The following FANCM variants were observed in gnomAD, a reference collection of about 807,000 sequenced individuals.
FANCM encodes the protein FA complementation group M, also known as Fanconi anemia group M protein.
In FANCM, 140 loss-of-function variants were observed where a neutral mutation model predicts 199.5. That is an observed-to-expected ratio of 0.70 (90% CI 0.61 to 0.81). FANCM has a LOEUF of 0.81. FANCM is among the 30% of genes least tolerant of loss of function. The pLI, the probability that FANCM is intolerant of heterozygous loss-of-function variation, is 0.00. For synonymous variants in FANCM, 840 were observed against 836.8 expected (o/e 1.00, Z -0.07); for missense variants, 2,410 against 2,421.4 (o/e 1.00, Z 0.10).
intron 7 of FANCM, 92 bp downstream of exon 7, chr14:45,154,914 ATTAT>A: frequency 1.1e-6 from 1 of 916,766 alleles, no homozygotes; most frequent in East Asian, 2.5e-5. Context: ...AATGTCTACA[ATTAT>A]TTATATTTTG....
intron 11 of FANCM, among the ~76,000 whole-genome samples, chr14:45,169,963 C>G (rs1422984331): frequency 2.0e-5 from 3 of 152,096 alleles, no homozygotes. Context: ...CTTGGCCTTT[C>G]CTGCCCACTC....
intron 20 of FANCM, among the ~76,000 whole-genome samples, chr14:45,192,609 C>G (rs138594915): frequency 0.01 from 1,543 of 152,216 alleles, 33 homozygotes; most frequent in African/African-American, 0.035. Context: ...CGCCACTGCA[C>G]TCCAGCCTGT....
chr14:45,182,935 T>A (rs1179030877), intron 16 of FANCM, among the ~76,000 whole-genome samples: 1 of 152,170 alleles, frequency 6.6e-6, no homozygotes, highest in Non-Finnish European at 1.5e-5. Flanking sequence ...CTCATGTAAT[T>A]TATTAATAAT....
chr14:45,166,883 G>T (rs1299826698), intron 10 of FANCM, 67 bp from the exon 11 acceptor site: 8 of 908,094 alleles, frequency 8.8e-6, no homozygotes, highest in Non-Finnish European at 1.3e-5. Context: ...ACTAATAATT[G>T]CTTGTTATGG....
At chr14:45,194,595 A>G (rs976958794) in intron 20 of FANCM, among the ~76,000 whole-genome samples, 44 of 152,148 alleles carry the variant, frequency 2.9e-4, no homozygotes, top group African/African-American at 1.0e-3. Context: ...GTGCAGCTGC[A>G]TACACCATTG....
chr14:45,155,300 C>T (rs896472340), intron 7 of FANCM, 73 bp from the exon 8 acceptor site: 3 of 674,594 alleles, frequency 4.4e-6, no homozygotes, highest in Non-Finnish European at 5.3e-6. Flanking sequence ...GAAAAGATAA[C>T]TTTCATATAC....
intron 3 of FANCM, among the ~76,000 whole-genome samples, chr14:45,141,698 T>C (rs948095864): frequency 1.3e-5 from 2 of 151,298 alleles, no homozygotes; most frequent in South Asian, 4.2e-4. Context: ...CAAGCGATTC[T>C]CTTGCCTCAC....
Position 45,154,703 on chromosome 14 carries a change from C to A in FANCM, c.1190C>A (p.Thr397Lys). ...CTTTTCTTAATTTCTGAAGGGATGA[C>A]ACGGTCAAAAAATGAACTTGGCCGA... ...CGIMDGTKGM[T>K]RSKNELGRNE... The change falls in exon 7 of 23, where the codon ACA becomes AAA. Residue 397 changes from threonine to lysine, a missense_variant. Thr to Lys is a moderately conservative substitution (Grantham distance 78, BLOSUM62 -1). Coordinates refer to ENST00000267430, the MANE Select transcript of FANCM (RefSeq NM_020937.4). 1 of 1,590,346 alleles carries A rather than the reference C, an allele frequency of 6.3e-7. No homozygotes were observed. The highest frequency in any genetic ancestry group is 8.6e-7 in the Non-Finnish European group (1 of 1,162,702).
chr14:45,141,555 C>T lies in FANCM; in HGVS notation c.759+846C>T, dbSNP rs543592132. 2.3e-4 allele frequency among the ~76,000 whole-genome samples: 30 copies of T among 131,878 alleles called. No individual in the cohort carries two copies. In the South Asian group the frequency reaches 7.9e-3, roughly 35 times the overall value. The allele number at this position is 131,878 out of a possible 152,430, so 86.5% of individuals were successfully genotyped here. A position where few individuals can be genotyped will look rare whatever the true frequency, so the allele number is the denominator to read the frequency against. On this transcript the variant is annotated intron_variant, in intron 3 of 22. Transcript: ENST00000267430. ...TCCCTGTTCCCTTCCCCTTACCTTA[C>T]GTTCCCCTCCTTTCCTCTCCTTTCC...
intron 21 of FANCM, among the ~76,000 whole-genome samples, chr14:45,196,990 T>C (rs1413095236): frequency 1.3e-5 from 2 of 152,164 alleles, no homozygotes; most frequent in African/African-American, 2.4e-5. Context: ...GCAACAGATA[T>C]AAGGGACAAG....
At chr14:45,178,906 A>T (rs1218637103) in intron 14 of FANCM, among the ~76,000 whole-genome samples, 1 of 152,198 alleles carries the variant, frequency 6.6e-6, no homozygotes, top group Non-Finnish European at 1.5e-5. Flanking sequence ...GCTTCTTTAA[A>T]AACCTTAATG....
At chr14:45,144,289 C>T (rs994721007) in intron 3 of FANCM, among the ~76,000 whole-genome samples, 6 of 151,800 alleles carry the variant, frequency 4.0e-5, no homozygotes, top group Admixed American at 3.3e-4. Flanking sequence ...TTTTTTTGTA[C>T]CCATTAATGT....
intron 19 of FANCM, 71 bp from the exon 20 acceptor site, chr14:45,188,731 C>T: frequency 8.7e-7 from 1 of 1,148,122 alleles, no homozygotes; most frequent in Non-Finnish European, 1.3e-6. Flanking sequence ...TTTCATGTGC[C>T]TAGAAGTATA....
intron 22 of FANCM, 144 bp from the exon 23 acceptor site, chr14:45,199,722 AAACT>A (rs1300972106): frequency 1.6e-6 from 1 of 631,176 alleles, no homozygotes; most frequent in African/African-American, 1.9e-5. Context: ...TCTTTTATCC[AAACT>A]AATGTTCAAG....
intron 3 of FANCM, among the ~76,000 whole-genome samples, chr14:45,147,790 G>A (rs779006266): frequency 1.4e-4 from 22 of 152,020 alleles, no homozygotes; most frequent in South Asian, 1.0e-3. Flanking sequence ...CTATTCAAGA[G>A]GCTGAGGCAG....
rs1327205307 is a variant in FANCM, at chr14:45,176,640, A to G, written c.3886A>G (p.Ile1296Val). Residue 1296 changes from isoleucine to valine, a missense_variant, in exon 14 of 23, where the codon ATC (isoleucine) becomes GTC (valine). By Grantham distance (29) the Ile-to-Val change is conservative. Transcript: ENST00000267430. ...AAATTTTACTAGTGGAACTGTTATT[A>G]TCCCATCAAATGAAGATATGCAGAA... ...SKNFTSGTVIIPSNEDMQNPN... is the reference protein window; with the variant it reads ...SKNFTSGTVIVPSNEDMQNPN... The G allele has an allele frequency of 1.2e-6, 2 of 1,613,642 alleles. No homozygotes were observed. Among genetic ancestry groups the G allele is most frequent in the East Asian group, 2.2e-5 (1 of 44,798 alleles).
intron 9 of FANCM, 128 bp downstream of exon 9, chr14:45,159,408 TAA>T: frequency 3.1e-6 from 2 of 644,866 alleles, no homozygotes; most frequent in Non-Finnish European, 5.4e-6. Context: ...AACGTGTAGG[TAA>T]AAATAAGCAT....
In FANCM at chr14:45,164,442, T is replaced by C. The variant is rs1416783609; in HGVS notation, c.1665T>C (p.Val555=). Residue 555 remains valine, a synonymous_variant, in exon 10 of 23, where the codon GTT becomes GTC. Coordinates refer to ENST00000267430, the MANE Select transcript of FANCM (RefSeq NM_020937.4). The stretch of plus-strand genomic sequence containing the variant: ...AAGAAGGTTTGGATATAGGAGAAGT[T>C]GATCTTATAATATGTTTTGATTCCC... The part of the protein sequence containing the change: ...VGEEGLDIGE[V]DLIICFDSQK... 1.9e-6 allele frequency: 3 copies of C among 1,613,580 alleles called. No homozygotes were observed. In the Admixed American group the frequency reaches 5.0e-5, roughly 27 times the overall value.
At chr14:45,173,382 A>C (rs1246977506) in intron 13 of FANCM, among the ~76,000 whole-genome samples, 172 bp downstream of exon 13, 1 of 152,246 alleles carries the variant, frequency 6.6e-6, no homozygotes, top group Non-Finnish European at 1.5e-5. Flanking sequence ...GATTTAATTA[A>C]TTAGAAGAAG....
Sources: allele counts gnomAD v4.1 joint callset (sites outside exome capture counted in the v4.1 genomes callset), GRCh38; gene constraint gnomAD v4.1.1; transcripts MANE v1.5; gene names NCBI Gene and HGNC (gene_info 2026-07-23, HGNC 2026-07-21).